Variants in PCLO observed in about 807,000 individuals in gnomAD.
The protein encoded by PCLO is protein piccolo.
A neutral mutation model predicts 427.5 loss-of-function variants in PCLO; 82 were observed. The observed-to-expected ratio is 0.19, with a 90% CI of 0.16 to 0.23. The LOEUF is 0.23. PCLO is among the 10% of genes least tolerant of loss of function. The pLI, the probability that PCLO is intolerant of heterozygous loss-of-function variation, is 1.00. For missense variants in PCLO, 6,239 were observed against 6,115.9 expected (o/e 1.02, Z -0.67); for synonymous variants, 2,357 against 2,155.4 (o/e 1.09, Z -2.59).
intron 19 of PCLO, among the ~76,000 whole-genome samples, chr7:82,823,045 A>G (rs192771239): frequency 6.6e-6 from 1 of 152,292 alleles, no homozygotes; most frequent in African/African-American, 2.4e-5. Context: ...CAAAAACAGG[A>G]TGAAGGATGT....
At chr7:82,994,449 T>G (rs1022736724) in intron 3 of PCLO, among the ~76,000 whole-genome samples, 4 of 152,028 alleles carry the variant, frequency 2.6e-5, no homozygotes, top group Non-Finnish European at 1.5e-5. Flanking sequence ...GTGGCTAAAC[T>G]GTGAGGCTGA....
At chr7:82,877,250 T>C (rs2116030564) in intron 10 of PCLO, among the ~76,000 whole-genome samples, 2 of 152,280 alleles carry the variant, frequency 1.3e-5, no homozygotes, top group South Asian at 4.1e-4. Context: ...AGAATCATGC[T>C]GATTTGTAGT....
intron 9 of PCLO, among the ~76,000 whole-genome samples, chr7:82,884,978 T>C (rs941244357): frequency 6.6e-6 from 1 of 152,292 alleles, no homozygotes; most frequent in South Asian, 2.1e-4. Flanking sequence ...AAATTAAATA[T>C]AGTGTCTTTT....
intron 3 of PCLO, among the ~76,000 whole-genome samples, chr7:83,123,984 A>G (rs1027161242): frequency 2.7e-5 from 4 of 146,248 alleles, no homozygotes; most frequent in Non-Finnish European, 6.0e-5. Context: ...AAAAAAAGGC[A>G]AAAGGTCTGA....
chr7:83,120,865 A>C (rs1422561219), intron 3 of PCLO, among the ~76,000 whole-genome samples: 1 of 152,236 alleles, frequency 6.6e-6, no homozygotes, highest in Non-Finnish European at 1.5e-5. Context: ...AAAGAAAAGA[A>C]TGTTAACAAG....
chr7:83,019,275 T>A (rs907604176), intron 3 of PCLO, among the ~76,000 whole-genome samples: 1 of 151,966 alleles, frequency 6.6e-6, no homozygotes, highest in East Asian at 1.9e-4. Flanking sequence ...GTATTTTAAA[T>A]CTTTTGCGGG....
intron 3 of PCLO, among the ~76,000 whole-genome samples, chr7:82,987,843 A>G (rs531613509): frequency 6.6e-6 from 1 of 152,146 alleles, no homozygotes; most frequent in African/African-American, 2.4e-5. Context: ...TCACAAATAG[A>G]ATTGTTCTTA....
intron 22 of PCLO, among the ~76,000 whole-genome samples, chr7:82,773,138 A>G (rs908537781): frequency 6.6e-6 from 1 of 152,198 alleles, no homozygotes; most frequent in Non-Finnish European, 1.5e-5. Context: ...CTAAAAGCAG[A>G]GCACCCACCC....
intron 3 of PCLO, among the ~76,000 whole-genome samples, chr7:83,094,540 T>C (rs953884538): frequency 6.6e-6 from 1 of 152,208 alleles, no homozygotes; most frequent in East Asian, 1.9e-4. Flanking sequence ...CATAGTTCTC[T>C]GGAGACTATT....
chr7:82,768,158 C>A (rs1185564206), intron 22 of PCLO, among the ~76,000 whole-genome samples: 1 of 152,142 alleles, frequency 6.6e-6, no homozygotes, highest in Non-Finnish European at 1.5e-5. Flanking sequence ...GACGGTGGCT[C>A]ACACCTGTAA....
intron 1 of PCLO, among the ~76,000 whole-genome samples, chr7:83,158,757 T>A (rs546514167): frequency 6.6e-6 from 1 of 152,022 alleles, no homozygotes; most frequent in Non-Finnish European, 1.5e-5. Flanking sequence ...TACTTTACTA[T>A]AGAATCCCCA....
At chr7:82,979,721 T>C (rs1268705713) in intron 3 of PCLO, among the ~76,000 whole-genome samples, 1 of 152,142 alleles carries the variant, frequency 6.6e-6, no homozygotes, top group Non-Finnish European at 1.5e-5. Context: ...TCACATGTGT[T>C]GTTTGTCTCC....
chr7:83,105,627 A>T (rs1439024272), intron 3 of PCLO, among the ~76,000 whole-genome samples: 2 of 152,232 alleles, frequency 1.3e-5, no homozygotes, highest in African/African-American at 2.4e-5. Context: ...CTGAATTTTC[A>T]AAAGAATCAC....
chr7:83,120,993 A>T (rs1791262712), intron 3 of PCLO, among the ~76,000 whole-genome samples: 1 of 152,178 alleles, frequency 6.6e-6, no homozygotes, highest in Non-Finnish European at 1.5e-5. Context: ...TGAGTAGAAA[A>T]ATAAACTTAA....
At chr7:82,939,912 T>C (rs1166633043) in intron 6 of PCLO, among the ~76,000 whole-genome samples, 1 of 151,680 alleles carries the variant, frequency 6.6e-6, no homozygotes. Flanking sequence ...TAGAAGACAA[T>C]ACTATTCACT....
intron 22 of PCLO, among the ~76,000 whole-genome samples, chr7:82,763,403 A>T (rs1056545898): frequency 6.6e-6 from 1 of 152,106 alleles, no homozygotes; most frequent in African/African-American, 2.4e-5. Flanking sequence ...GGAACCACGG[A>T]GGTCTGTGAA....
At chr7:83,095,344 T>G (rs1790506045) in intron 3 of PCLO, among the ~76,000 whole-genome samples, 1 of 152,056 alleles carries the variant, frequency 6.6e-6, no homozygotes, top group South Asian at 2.1e-4. Context: ...TTTTCTTGTC[T>G]TGCTACAGAT....
chr7:82,956,496 T>C lies in PCLO; in HGVS notation c.4457A>G (p.Asp1486Gly). 2 of 1,613,580 alleles carry C rather than the reference T, an allele frequency of 1.2e-6. No homozygotes were observed. The highest frequency in any genetic ancestry group is 1.7e-6 in the Non-Finnish European group (2 of 1,179,798). ...TTTATGGTCCTTGCTGGAAGGAATA[T>C]CTTGTTGGCTATCTTTTTTAAAAGT... is the stretch of plus-strand genomic sequence containing the variant. ...KDTFKKDSQQ[D>G]IPSSKDHKEK... Residue 1486 changes from aspartate to glycine, a missense_variant, in exon 5 of 25, where the codon GAT (aspartate) becomes GGT (glycine). Asp to Gly is a moderately conservative substitution (Grantham distance 94, BLOSUM62 -1). This residue lies in a region of PCLO where 4,677 missense variants were observed against 4,468.4 expected (regional missense o/e 1.05). Transcript: ENST00000333891.
At chr7:83,025,266 G>C (rs1377387348) in intron 3 of PCLO, among the ~76,000 whole-genome samples, 1 of 151,912 alleles carries the variant, frequency 6.6e-6, no homozygotes, top group Admixed American at 6.6e-5. Context: ...TAAAGGAGCT[G>C]ATGGAGCTGA....
Sources: allele counts gnomAD v4.1 joint callset (sites outside exome capture counted in the v4.1 genomes callset), GRCh38; gene constraint gnomAD v4.1.1; regional missense constraint gnomAD v4.1.1; transcripts MANE v1.5; gene names NCBI Gene and HGNC (gene_info 2026-07-23, HGNC 2026-07-21).